ERBB4: variants seen among roughly 807,000 people sequenced by gnomAD.
The protein encoded by ERBB4 is receptor tyrosine-protein kinase erbB-4.
In ERBB4, 42 loss-of-function variants were observed where a neutral mutation model predicts 158.0. The observed-to-expected ratio is 0.27, with a 90% CI of 0.21 to 0.34. ERBB4 has a LOEUF of 0.34. ERBB4 is among the 10% of genes least tolerant of loss of function. The pLI, the probability that ERBB4 is intolerant of heterozygous loss-of-function variation, is 1.00. For missense variants in ERBB4, 1,333 were observed against 1,624.1 expected (o/e 0.82, Z 3.08); for synonymous variants, 583 against 558.7 (o/e 1.04, Z -0.61).
At chr2:212,291,286 A>T (rs1190997018) in intron 1 of ERBB4, among the ~76,000 whole-genome samples, 1 of 152,154 alleles carries the variant, frequency 6.6e-6, no homozygotes, top group African/African-American at 2.4e-5. Context: ...CTTCCTATAG[A>T]CTATACTAAA....
chr2:211,560,466 G>T (rs1240033955), intron 20 of ERBB4, among the ~76,000 whole-genome samples: 1 of 151,398 alleles, frequency 6.6e-6, no homozygotes, highest in Non-Finnish European at 1.5e-5. Flanking sequence ...TAGAGATGGG[G>T]TTTCTCCATG....
chr2:211,596,169 A>G (rs16846548), intron 19 of ERBB4, among the ~76,000 whole-genome samples: 1,751 of 152,216 alleles, frequency 0.012, 27 homozygotes, highest in African/African-American at 0.029. Context: ...GTTATATAAG[A>G]TGTCATTTGG....
chr2:211,460,800 A>C (rs2125501181), intron 20 of ERBB4, among the ~76,000 whole-genome samples: 1 of 152,328 alleles, frequency 6.6e-6, no homozygotes, highest in South Asian at 2.1e-4. Flanking sequence ...AATGTTTAAA[A>C]TAAGATTTTA....
chr2:211,618,780 A>T (rs946630519), intron 19 of ERBB4, among the ~76,000 whole-genome samples: 1 of 152,170 alleles, frequency 6.6e-6, no homozygotes, highest in African/African-American at 2.4e-5. Context: ...ATTTTAAGAA[A>T]TATACACATG....
intron 3 of ERBB4, among the ~76,000 whole-genome samples, chr2:211,888,930 G>A (rs1160039264): frequency 6.6e-6 from 1 of 151,514 alleles, no homozygotes; most frequent in Non-Finnish European, 1.5e-5. Flanking sequence ...TGCTAGCACA[G>A]CAGTCTGAGA....
intron 1 of ERBB4, among the ~76,000 whole-genome samples, chr2:212,126,112 G>C (rs16847747): frequency 0.1 from 15,337 of 152,168 alleles, 1,621 homozygotes; most frequent in African/African-American, 0.27. Context: ...TAAATAATCT[G>C]TCTGCCAAGT....
intron 1 of ERBB4, among the ~76,000 whole-genome samples, chr2:212,451,970 G>A (rs2092451817): frequency 1.3e-5 from 2 of 151,286 alleles, no homozygotes; most frequent in Admixed American, 6.6e-5. Flanking sequence ...ATTGTCTCAG[G>A]CACCTCTTTC....
At chr2:212,426,185 A>T (rs2091907486) in intron 1 of ERBB4, 1 of 454,944 alleles carries the variant, frequency 2.2e-6, no homozygotes, top group Admixed American at 2.9e-5. Context: ...CACTCTTTAT[A>T]GAAGGCTCCA....
intron 2 of ERBB4, among the ~76,000 whole-genome samples, chr2:212,046,603 T>C (rs2077267149): frequency 3.3e-5 from 5 of 152,240 alleles, no homozygotes; most frequent in Admixed American, 2.6e-4. Context: ...GGACATTCTA[T>C]TGTACAGAAG....
chr2:211,776,874 C>A (rs969118694), intron 4 of ERBB4, among the ~76,000 whole-genome samples: 2 of 152,060 alleles, frequency 1.3e-5, no homozygotes, highest in Non-Finnish European at 2.9e-5. Context: ...ATTTATTATA[C>A]AGAATGGAGG....
intron 1 of ERBB4, among the ~76,000 whole-genome samples, chr2:212,197,823 T>C (rs1245246981): frequency 6.6e-6 from 1 of 152,218 alleles, no homozygotes; most frequent in East Asian, 1.9e-4. Context: ...TTCCTATTTA[T>C]TCCTCTAAAT....
At chr2:212,519,776 C>T (rs890491175) in intron 1 of ERBB4, among the ~76,000 whole-genome samples, 2 of 151,656 alleles carry the variant, frequency 1.3e-5, no homozygotes, top group Admixed American at 6.6e-5. Flanking sequence ...GAATAAGGCA[C>T]AGGGGAATAT....
chr2:211,678,240 C>A (rs2072166592), intron 13 of ERBB4, among the ~76,000 whole-genome samples: 1 of 148,516 alleles, frequency 6.7e-6, no homozygotes, highest in African/African-American at 2.5e-5. Context: ...TTGTCAAAGA[C>A]AGAAACAAGC....
At chr2:212,370,329 T>C (rs752497043) in intron 1 of ERBB4, among the ~76,000 whole-genome samples, 2 of 152,194 alleles carry the variant, frequency 1.3e-5, no homozygotes, top group Admixed American at 1.3e-4. Context: ...ATTAAACTTA[T>C]TTTCTTCATA....
In ERBB4 at chr2:211,911,763, G is replaced by A. The variant is rs1275001371; in HGVS notation, c.421+35667C>T. 2.0e-5 allele frequency among the ~76,000 whole-genome samples: 3 copies of A among 151,682 alleles called. No homozygotes were observed. In the South Asian group the frequency reaches 6.2e-4, roughly 31 times the overall value. The stretch of plus-strand genomic sequence containing the variant: ...CAGAGACTGGGGGTTGGAGAAAATG[G>A]GGAGATGATAATCAAAGGTTACAAA... On this transcript the variant is annotated intron_variant, in intron 3 of 27. Transcript: ENST00000342788.
At chr2:212,121,873 T>G (rs2079761072) in intron 2 of ERBB4, among the ~76,000 whole-genome samples, 2 of 152,142 alleles carry the variant, frequency 1.3e-5, no homozygotes. Context: ...ACTCACCTCT[T>G]GAGTTTCTGT....
intron 1 of ERBB4, among the ~76,000 whole-genome samples, chr2:212,313,204 T>C (rs989688916): frequency 6.6e-6 from 1 of 150,870 alleles, no homozygotes; most frequent in South Asian, 2.1e-4. Context: ...TATGCATAAA[T>C]GTTATTACTG....
intron 20 of ERBB4, among the ~76,000 whole-genome samples, chr2:211,546,713 C>T (rs2066949847): frequency 6.6e-6 from 1 of 152,100 alleles, no homozygotes; most frequent in Non-Finnish European, 1.5e-5. Context: ...CCCTTTTCTT[C>T]ATAGCCACCA....
chr2:211,908,483 T>C (rs1559076350), intron 3 of ERBB4, among the ~76,000 whole-genome samples: 1 of 151,828 alleles, frequency 6.6e-6, no homozygotes, highest in East Asian at 2.0e-4. Context: ...CCTTCAATAA[T>C]CTACTGTGGA....
Sources: allele counts gnomAD v4.1 joint callset (sites outside exome capture counted in the v4.1 genomes callset), GRCh38; gene constraint gnomAD v4.1.1; transcripts MANE v1.5; gene names NCBI Gene and HGNC (gene_info 2026-07-23, HGNC 2026-07-21).